Variants in POU6F2 observed in about 807,000 individuals in gnomAD.
The protein encoded by POU6F2 is POU class 6 homeobox 2, also known as POU domain, class 6, transcription factor 2.
A neutral mutation model predicts 71.3 loss-of-function variants in POU6F2; 31 were observed. The observed-to-expected ratio is 0.43, with a 90% CI of 0.33 to 0.59. The LOEUF (loss-of-function observed/expected upper bound fraction) is 0.59. Ranked by LOEUF, POU6F2 falls within the 20% of genes least tolerant of loss-of-function variation. POU6F2 has a pLI of 0.04. For synonymous variants in POU6F2, 347 were observed against 355.7 expected (o/e 0.98, Z 0.27); for missense variants, 783 against 856.8 (o/e 0.91, Z 1.07).
At chr7:39,335,156 A>G (rs1785741515) in intron 4 of POU6F2, among the ~76,000 whole-genome samples, 2 of 151,866 alleles carry the variant, frequency 1.3e-5, no homozygotes, top group South Asian at 4.1e-4. Flanking sequence ...AATAACATGT[A>G]CCATGGCCCT....
intron 7 of POU6F2, among the ~76,000 whole-genome samples, chr7:39,443,324 T>C (rs750416312): frequency 6.6e-6 from 1 of 152,146 alleles, no homozygotes; most frequent in Non-Finnish European, 1.5e-5. Flanking sequence ...CCTTCACCAG[T>C]ACACATATGT....
chr7:39,368,766 A>C (rs1786554101), intron 5 of POU6F2, among the ~76,000 whole-genome samples: 1 of 152,230 alleles, frequency 6.6e-6, no homozygotes, highest in Non-Finnish European at 1.5e-5. Flanking sequence ...AGGGCCCTTA[A>C]GAATGATGCT....
chr7:39,308,867 G>A (rs2128766461), intron 4 of POU6F2, among the ~76,000 whole-genome samples: 1 of 152,314 alleles, frequency 6.6e-6, no homozygotes, highest in East Asian at 1.9e-4. Context: ...CGGGTGCCAG[G>A]AATTGATCCG....
chr7:39,062,311 C>T (rs1408878901), intron 1 of POU6F2, among the ~76,000 whole-genome samples: 1 of 151,922 alleles, frequency 6.6e-6, no homozygotes, highest in African/African-American at 2.4e-5. Context: ...CTCAGAGTAT[C>T]TCAGAGATCT....
chr7:39,063,168 G>A (rs892388260), intron 1 of POU6F2, among the ~76,000 whole-genome samples: 1 of 152,054 alleles, frequency 6.6e-6, no homozygotes, highest in Non-Finnish European at 1.5e-5. Context: ...TATGATTTAC[G>A]GTAAAAATCA....
intron 1 of POU6F2, among the ~76,000 whole-genome samples, chr7:39,030,686 A>G (rs1169109236): frequency 6.6e-6 from 1 of 151,074 alleles, no homozygotes; most frequent in Non-Finnish European, 1.5e-5. Context: ...TTGTGTGGAC[A>G]TACATTTTCA....
At chr7:39,129,927 C>T (rs1008385470) in intron 2 of POU6F2, among the ~76,000 whole-genome samples, 3 of 151,882 alleles carry the variant, frequency 2.0e-5, no homozygotes, top group African/African-American at 2.4e-5. Context: ...ATTAGCCGGG[C>T]GTGGTGGCAG....
At chr7:39,112,960 TG>T (rs1791850615) in intron 2 of POU6F2, among the ~76,000 whole-genome samples, 1 of 152,144 alleles carries the variant, frequency 6.6e-6, no homozygotes, top group Admixed American at 6.6e-5. Context: ...GAATTTTAAT[TG>T]CATTTTTACA....
intron 5 of POU6F2, among the ~76,000 whole-genome samples, chr7:39,370,856 G>A (rs552063149): frequency 6.6e-6 from 1 of 152,300 alleles, no homozygotes; most frequent in African/African-American, 2.4e-5. Flanking sequence ...TCTCCACCCT[G>A]TAGGCTCAAC....
At chr7:39,126,419 G>A (rs1792138884) in intron 2 of POU6F2, among the ~76,000 whole-genome samples, 1 of 152,198 alleles carries the variant, frequency 6.6e-6, no homozygotes. Flanking sequence ...GTTTGTTCTG[G>A]TGTCTAGTCT....
At position 39,464,378 on chromosome 7, in the gene POU6F2, C is replaced by G; in HGVS notation, c.1855C>G (p.Arg619Gly). The G allele has an allele frequency of 1.2e-6, 2 of 1,614,032 alleles. No individual in the cohort carries two copies. Among genetic ancestry groups the G allele is most frequent in the Non-Finnish European group, 1.7e-6 (2 of 1,179,890 alleles). ...GATGGCTGAGGCTGAGGCCCGCCAT[C>G]GAGCAGGTATGCAGAACCTGACCGA... ...RWMAEAEARH[R>G]AGMQNLTEFI... Residue 619 changes from arginine (R) to glycine (G), a missense_variant, in exon 10 of 10, where the codon CGA becomes GGA. By Grantham distance (125) the Arg-to-Gly change is moderately radical. Coordinates refer to ENST00000518318, the MANE Select transcript of POU6F2 (RefSeq NM_001370959.1). This position sits in a 1 kb window ranked among gnomAD's most constrained non-coding sequence, Gnocchi z 4.1.
intron 4 of POU6F2, among the ~76,000 whole-genome samples, chr7:39,320,846 G>A (rs1785374415): frequency 6.6e-6 from 1 of 152,162 alleles, no homozygotes; most frequent in Non-Finnish European, 1.5e-5. Context: ...CTTGAGGCCA[G>A]GAGTTGGAGA....
At chr7:39,019,902 A>C (rs560867097) in intron 1 of POU6F2, among the ~76,000 whole-genome samples, 85 of 152,186 alleles carry the variant, frequency 5.6e-4, no homozygotes, top group African/African-American at 2.0e-3. Context: ...GAATCAATGT[A>C]TTCCTTTTGA....
intron 2 of POU6F2, among the ~76,000 whole-genome samples, chr7:39,202,390 G>A (rs1048505294): frequency 1.3e-5 from 2 of 152,270 alleles, no homozygotes; most frequent in Admixed American, 1.3e-4. Flanking sequence ...TCTGTGCATT[G>A]TAAAAACACT....
intron 4 of POU6F2, among the ~76,000 whole-genome samples, chr7:39,301,956 A>T (rs1264157431): frequency 6.6e-6 from 1 of 152,192 alleles, no homozygotes; most frequent in Non-Finnish European, 1.5e-5. Context: ...GGGGAAAAAA[A>T]AAAAGAATTC....
intron 7 of POU6F2, among the ~76,000 whole-genome samples, chr7:39,447,309 T>C (rs1788547935): frequency 6.6e-6 from 1 of 152,222 alleles, no homozygotes; most frequent in Admixed American, 6.5e-5. Flanking sequence ...CACCATGATC[T>C]ATCAGTTTGA....
intron 2 of POU6F2, among the ~76,000 whole-genome samples, chr7:39,179,672 G>C (rs574149925): frequency 6.6e-6 from 1 of 152,216 alleles, no homozygotes; most frequent in Non-Finnish European, 1.5e-5. Flanking sequence ...CCGGCTCATA[G>C]ACCATGCTTT....
At chr7:39,221,123 A>G (rs2128748370) in intron 4 of POU6F2, among the ~76,000 whole-genome samples, 1 of 152,230 alleles carries the variant, frequency 6.6e-6, no homozygotes, top group East Asian at 1.9e-4. Flanking sequence ...TGCAGCTTAC[A>G]TTATGTTTCT....
At chr7:39,020,016 C>A (rs1204474826) in intron 1 of POU6F2, among the ~76,000 whole-genome samples, 1 of 152,102 alleles carries the variant, frequency 6.6e-6, no homozygotes, top group Non-Finnish European at 1.5e-5. Context: ...ATGCAGCCAT[C>A]ATGGATTTCC....
Sources: allele counts gnomAD v4.1 joint callset (sites outside exome capture counted in the v4.1 genomes callset), GRCh38; gene constraint gnomAD v4.1.1; non-coding constraint Gnocchi (gnomAD v3.1); transcripts MANE v1.5; gene names NCBI Gene and HGNC (gene_info 2026-07-23, HGNC 2026-07-21).